Variants in ZNF367 observed in about 807,000 individuals in gnomAD.
ZNF367 encodes the protein zinc finger protein 367.
A neutral mutation model predicts 31.8 loss-of-function variants in ZNF367; 11 were observed. The observed-to-expected ratio is 0.35, with a 90% CI of 0.22 to 0.57. The LOEUF (loss-of-function observed/expected upper bound fraction) is 0.57, where lower values mean the gene tolerates loss of function less well. Ranked by LOEUF, ZNF367 falls within the 20% of genes least tolerant of loss-of-function variation. The pLI, the probability that ZNF367 is intolerant of heterozygous loss-of-function variation, is 0.85. For missense variants in ZNF367, 353 were observed against 484.1 expected (o/e 0.73, Z 2.54); for synonymous variants, 199 against 202.4 (o/e 0.98, Z 0.14).
rs766848857 is a variant in ZNF367 at position 96,417,979 on chromosome 9, C to T, written c.54G>A (p.Pro18=). Residue 18 remains proline (P), a synonymous_variant, in exon 1 of 5, where the codon CCG becomes CCA. Coordinates refer to ENST00000375256, the MANE Select transcript of ZNF367 (RefSeq NM_153695.4). This position sits in a 1 kb window ranked among gnomAD's most constrained non-coding sequence, Gnocchi z 5.0. ...PMAENPPPPP[P]PVIFCHDSPK... ...GGGAGTCGTGGCAGAAGATGACGGGCGGCGGCGGCGGCGGCGGGTTCTCCG... is the reference window on the plus strand; with the variant it reads ...GGGAGTCGTGGCAGAAGATGACGGGTGGCGGCGGCGGCGGCGGGTTCTCCG... The T allele has an allele frequency of 3.1e-6, 4 of 1,289,592 alleles. No homozygotes were observed. The South Asian group carries it at 7.3e-5, about 23-fold the overall frequency. The allele number at this position is 1,289,592 out of a possible 1,614,324, so 79.9% of individuals were successfully genotyped here.
intron 1 of ZNF367, among the ~76,000 whole-genome samples, chr9:96,415,053 ATTT>A (rs566763002): frequency 2.8e-5 from 4 of 142,546 alleles, no homozygotes; most frequent in Admixed American, 7.0e-5. Context: ...ACCCATCCAA[ATTT>A]TTTTTTTTTT....
At position 96,388,145 on chromosome 9, in the gene ZNF367, T is replaced by A; in HGVS notation, c.*92A>T. On this transcript the variant is annotated 3_prime_UTR_variant, in exon 5 of 5. Coordinates refer to ENST00000375256, the MANE Select transcript of ZNF367 (RefSeq NM_153695.4). ...ATTTCTACAGAATAGCAGCCTATGA[T>A]AAGCAAATAAGGTGCTTAGCTTATG... 1 of 1,273,440 alleles carries A rather than the reference T, an allele frequency of 7.9e-7. No individual in the cohort carries two copies. The highest frequency in any genetic ancestry group is 1.1e-6 in the Non-Finnish European group (1 of 926,964). The allele number at this position is 1,273,440 out of a possible 1,614,324, so 78.9% of individuals were successfully genotyped here. A position where few individuals can be genotyped will look rare whatever the true frequency, so the allele number is the denominator to read the frequency against.
rs1387787572 is a variant in ZNF367 at position 96,386,336 on chromosome 9, G to C, written c.*1901C>G. 1.3e-5 allele frequency: 2 copies of C among 152,112 alleles called. No homozygotes were observed. Among genetic ancestry groups the C allele is most frequent in the Non-Finnish European group, 2.9e-5 (2 of 67,984 alleles). 9.4% of individuals were successfully genotyped at this position (152,112 alleles called of 1,614,324 possible). A position where few individuals can be genotyped will look rare whatever the true frequency, so the allele number is the denominator to read the frequency against. ...ATCATCTGTGAATTGGCAAATATTT[G>C]TATTTGAAAAATTCTTACTACCCTT... On this transcript the variant is annotated 3_prime_UTR_variant, in exon 5 of 5. Coordinates refer to ENST00000375256, the MANE Select transcript of ZNF367 (RefSeq NM_153695.4).
chr9:96,414,031 G>C (rs1383738814), intron 1 of ZNF367, among the ~76,000 whole-genome samples: 2 of 152,246 alleles, frequency 1.3e-5, no homozygotes, highest in African/African-American at 2.4e-5. Flanking sequence ...GATGCACATG[G>C]AGATAAGGAA....
intron 3 of ZNF367, among the ~76,000 whole-genome samples, chr9:96,393,932 C>T (rs953983577): frequency 6.6e-6 from 1 of 152,188 alleles, no homozygotes; most frequent in African/African-American, 2.4e-5. Flanking sequence ...ACTTTTGCAA[C>T]ATTTGTAATA....
At chr9:96,414,692 G>A (rs1831795106) in intron 1 of ZNF367, among the ~76,000 whole-genome samples, 1 of 152,150 alleles carries the variant, frequency 6.6e-6, no homozygotes, top group Non-Finnish European at 1.5e-5. Context: ...TGGCCAGGAT[G>A]GTCTCGATCT....
At chr9:96,389,081 TG>T (rs1228932655) in intron 4 of ZNF367, among the ~76,000 whole-genome samples, 1 of 152,082 alleles carries the variant, frequency 6.6e-6, no homozygotes, top group Non-Finnish European at 1.5e-5. Flanking sequence ...GCAGATCACT[TG>T]AGGTCAAGAG....
chr9:96,397,039 C>T lies in ZNF367; in HGVS notation c.571+1125G>A, dbSNP rs181624205. Reference sequence around the variant, plus strand: ...AAGTGTCATTTCAATACATAATCAACAGTAAAAATTATTGTTTACTCTTTT... The same window carrying T: ...AAGTGTCATTTCAATACATAATCAATAGTAAAAATTATTGTTTACTCTTTT... On this transcript the variant is annotated intron_variant, in intron 2 of 4. Coordinates refer to ENST00000375256, the MANE Select transcript of ZNF367 (RefSeq NM_153695.4). Among the ~76,000 whole-genome samples the T allele has an allele frequency of 1.2e-3, 184 of 152,312 alleles. 1 individual carries two copies. Among genetic ancestry groups the T allele is most frequent in the African/African-American group, 4.3e-3 (180 of 41,574 alleles).
rs1831697396 is a variant in ZNF367, at chr9:96,408,218, A to C, written c.420+9395T>G. The stretch of plus-strand genomic sequence containing the variant: ...CTAGAACTTAAAGTATAATAAATAA[A>C]TAAATAATAAATATTTTTTAAAAAA... On this transcript the variant is annotated intron_variant, in intron 1 of 4. Coordinates refer to ENST00000375256, the MANE Select transcript of ZNF367 (RefSeq NM_153695.4). Among the ~76,000 whole-genome samples, 11 of 152,168 alleles carry C rather than the reference A, an allele frequency of 7.2e-5. No individual in the cohort carries two copies. In the South Asian group the frequency reaches 2.3e-3, roughly 32 times the overall value.
At chr9:96,412,497 A>T (rs1407156238) in intron 1 of ZNF367, among the ~76,000 whole-genome samples, 1 of 152,182 alleles carries the variant, frequency 6.6e-6, no homozygotes, top group Non-Finnish European at 1.5e-5. Flanking sequence ...ACCTTTTCAC[A>T]TTCAGATTTA....
chr9:96,417,930 T>A lies in ZNF367; in HGVS notation c.103A>T (p.Ile35Phe). 6.6e-7 allele frequency: 1 copy of A among 1,515,314 alleles called. No individual in the cohort carries two copies. Among genetic ancestry groups the A allele is most frequent in the Non-Finnish European group, 8.8e-7 (1 of 1,139,412 alleles). The allele number at this position is 1,515,314 out of a possible 1,614,324, so 93.9% of individuals were successfully genotyped here. The part of the protein sequence containing the change: ...DSPKRVLVSV[I>F]RTTPIKPTCG... Reference sequence around the variant, plus strand: ...GTTGGCTTGATCGGGGTCGTCCTGATGACCGACACCAGCACCCGCTTCGGG... The same window carrying A: ...GTTGGCTTGATCGGGGTCGTCCTGAAGACCGACACCAGCACCCGCTTCGGG... Residue 35 changes from isoleucine (I) to phenylalanine (F), a missense_variant, in exon 1 of 5, where the codon ATC becomes TTC. Physicochemically the swap from Ile to Phe is conservative, Grantham distance 21 (BLOSUM62 0). Around this residue, in one of 5 missense-constraint regions of ZNF367, gnomAD observed 94 missense variants for 86.7 expected, o/e 1.08. Coordinates refer to ENST00000375256, the MANE Select transcript of ZNF367 (RefSeq NM_153695.4). This position sits in a 1 kb window ranked among gnomAD's most constrained non-coding sequence, Gnocchi z 5.0.
intron 3 of ZNF367, among the ~76,000 whole-genome samples, chr9:96,393,343 G>T (rs1231186893): frequency 1.1e-4 from 17 of 151,424 alleles, no homozygotes; most frequent in Non-Finnish European, 5.9e-5. Flanking sequence ...GGCCAACATG[G>T]TCCCCCATCT....
intron 1 of ZNF367, among the ~76,000 whole-genome samples, chr9:96,412,183 CAG>C (rs1267253750): frequency 6.6e-6 from 1 of 152,172 alleles, no homozygotes; most frequent in Non-Finnish European, 1.5e-5. Context: ...CGGACAATTA[CAG>C]AGTGTTACAC....
chr9:96,405,174 TAGTC>T (rs1261053593), intron 1 of ZNF367, among the ~76,000 whole-genome samples: 3 of 151,638 alleles, frequency 2.0e-5, no homozygotes, highest in African/African-American at 4.9e-5. Flanking sequence ...ATACAAAAAT[TAGTC>T]AGGCATGATG....
intron 1 of ZNF367, among the ~76,000 whole-genome samples, chr9:96,402,116 C>T (rs1361994783): frequency 7.9e-6 from 1 of 127,376 alleles, no homozygotes; most frequent in Non-Finnish European, 1.7e-5. Context: ...ATTAGCTGGG[C>T]ATGGTGGCAC....
intron 2 of ZNF367, among the ~76,000 whole-genome samples, chr9:96,397,072 TTAAG>T (rs1347636652): frequency 1.3e-5 from 2 of 152,222 alleles, no homozygotes; most frequent in Non-Finnish European, 2.9e-5. Flanking sequence ...TTTTTTCATA[TTAAG>T]TATGTTTTAT....
chr9:96,417,975 C>T lies in ZNF367; in HGVS notation c.58G>A (p.Val20Ile), dbSNP rs1251943300. The T allele has an allele frequency of 1.4e-6, 2 of 1,447,836 alleles. No homozygotes were observed. Among genetic ancestry groups the T allele is most frequent in the South Asian group, 2.7e-5 (2 of 72,940 alleles). 89.7% of individuals were successfully genotyped at this position (1,447,836 alleles called of 1,614,324 possible). Residue 20 changes from valine to isoleucine, a missense_variant, in exon 1 of 5, where the codon GTC becomes ATC. By Grantham distance (29) the Val-to-Ile change is conservative (BLOSUM62 3). Coordinates refer to ENST00000375256, the MANE Select transcript of ZNF367 (RefSeq NM_153695.4). The surrounding 1 kb of genome is among the most constrained non-coding windows in gnomAD (Gnocchi z 5.0). ...TTCGGGGAGTCGTGGCAGAAGATGACGGGCGGCGGCGGCGGCGGCGGGTTC... is the reference window on the plus strand; with the variant it reads ...TTCGGGGAGTCGTGGCAGAAGATGATGGGCGGCGGCGGCGGCGGCGGGTTC... ...AENPPPPPPP[V>I]IFCHDSPKRV...
At chr9:96,416,084 G>GTTTTTTTTT (rs1564146300) in intron 1 of ZNF367, among the ~76,000 whole-genome samples, 1 of 131,226 alleles carries the variant, frequency 7.6e-6, no homozygotes, top group Non-Finnish European at 1.6e-5. Context: ...TTTTTTTTTT[G>GTTTTTTTTT]TTGTTTTTTT....
intron 1 of ZNF367, among the ~76,000 whole-genome samples, chr9:96,404,441 A>T (rs1206606930): frequency 6.6e-6 from 1 of 152,100 alleles, no homozygotes; most frequent in African/African-American, 2.4e-5. Flanking sequence ...AAAAATAAAA[A>T]AATTAGCCGG....
Sources: allele counts gnomAD v4.1 joint callset (sites outside exome capture counted in the v4.1 genomes callset), GRCh38; gene constraint gnomAD v4.1.1; regional missense constraint gnomAD v4.1.1; non-coding constraint Gnocchi (gnomAD v3.1); transcripts MANE v1.5; gene names NCBI Gene and HGNC (gene_info 2026-07-23, HGNC 2026-07-21).